The following DIP2C variants were observed in gnomAD, a reference collection of about 807,000 sequenced individuals.
DIP2C encodes DIP2 acetate--CoA ligase C (putative).
In DIP2C, 33 loss-of-function variants were observed where a neutral mutation model predicts 192.4. The observed-to-expected ratio is 0.17, with a 90% CI of 0.13 to 0.23. DIP2C has a LOEUF of 0.23. Ranked by LOEUF, DIP2C falls within the 10% of genes least tolerant of loss-of-function variation. The probability of loss-of-function intolerance (pLI) is 1.00; values close to 1 mark genes in which losing one functional copy is unlikely to be tolerated. For missense variants in DIP2C, 1,537 were observed against 2,110.1 expected, an observed-to-expected ratio of 0.73 and a Z score of 5.32; for synonymous variants, 979 against 864.1, an observed-to-expected ratio of 1.13 and a Z score of -2.33.
At chr10:599,628 A>T (rs541450303) in intron 1 of DIP2C, among the ~76,000 whole-genome samples, 9 of 152,220 alleles carry the variant, frequency 5.9e-5, no homozygotes, top group Non-Finnish European at 1.2e-4. Context: ...GGCTGGAGGG[A>T]CCTTCCAGGT....
chr10:335,839 G>A (rs886577514), intron 29 of DIP2C, among the ~76,000 whole-genome samples: 1 of 152,174 alleles, frequency 6.6e-6, no homozygotes, highest in Admixed American at 6.5e-5. Context: ...CTTTCCATTT[G>A]TTCATCTGTG....
chr10:480,418 C>T (rs1044245405), intron 2 of DIP2C, among the ~76,000 whole-genome samples: 5 of 152,034 alleles, frequency 3.3e-5, no homozygotes, highest in African/African-American at 1.2e-4. Context: ...CCAGTCCACG[C>T]TCACTGGATG....
chr10:389,878 C>A, intron 13 of DIP2C, 113 bp downstream of exon 13: 1 of 821,080 alleles, frequency 1.2e-6, no homozygotes, highest in Non-Finnish European at 2.0e-6. Flanking sequence ...GTCAGCGGAG[C>A]TGGGCACAAA....
chr10:531,373 G>A (rs1375866194), intron 1 of DIP2C, among the ~76,000 whole-genome samples: 1 of 152,072 alleles, frequency 6.6e-6, no homozygotes, highest in Non-Finnish European at 1.5e-5. Flanking sequence ...TGAGGGGCGT[G>A]TGCTTACAGT....
chr10:421,881 G>T (rs1008505033), intron 5 of DIP2C, among the ~76,000 whole-genome samples: 1 of 152,164 alleles, frequency 6.6e-6, no homozygotes, highest in Non-Finnish European at 1.5e-5. Flanking sequence ...AACGGCCGAC[G>T]CTTTAAGTCT....
intron 2 of DIP2C, among the ~76,000 whole-genome samples, chr10:472,934 TAAGAA>T (rs952063515): frequency 6.6e-5 from 10 of 152,204 alleles, no homozygotes; most frequent in Non-Finnish European, 1.0e-4. Context: ...TATAAGCTCT[TAAGAA>T]AATTTAAAAG....
In DIP2C at chr10:461,706, C is replaced by A. The variant is rs570668703; in HGVS notation, c.268+10733G>T. Among the ~76,000 whole-genome samples, 5 of 152,296 alleles carry A rather than the reference C, an allele frequency of 3.3e-5. No homozygotes were observed. The South Asian group carries it at 1.0e-3, about 32-fold the overall frequency. ...ACCTAATAGACATCTACAAAACTCT[C>A]CACCCCAAATCAATAGGATATACCT... On this transcript the variant is annotated intron_variant, in intron 3 of 36. Coordinates refer to ENST00000280886, the MANE Select transcript of DIP2C (RefSeq NM_014974.3).
At position 337,022 on chromosome 10, in the gene DIP2C, TGTGTGTGTGTTGTGGAGGCCTAGACTG is replaced by T. The variant is rs1202306754; in HGVS notation, c.3584+4150_3584+4176del. ...GGAGGCCTAGGCAGCTGTGTGTGTG[TGTGTGTGTGTTGTGGAGGCCTAGACTG>T]GTGTGTGTGTGTGTGTGTGTGTGTT... On this transcript the variant is annotated intron_variant, in intron 29 of 36. Coordinates refer to ENST00000280886, the MANE Select transcript of DIP2C (RefSeq NM_014974.3). 3.6e-3 allele frequency among the ~76,000 whole-genome samples: 399 copies of T among 112,338 alleles called. 38 individuals carry two copies. Among genetic ancestry groups the T allele is most frequent in the African/African-American group, 0.013 (374 of 28,378 alleles). 73.7% of individuals were successfully genotyped at this position (112,338 alleles called of 152,430 possible). A position where few individuals can be genotyped will look rare whatever the true frequency, so the allele number is the denominator to read the frequency against.
chr10:471,188 C>T (rs547471833), intron 3 of DIP2C, among the ~76,000 whole-genome samples: 16 of 152,288 alleles, frequency 1.1e-4, no homozygotes, highest in East Asian at 1.9e-4. Flanking sequence ...GCAGCAGGGG[C>T]GCCCAGGAGG....
At chr10:622,429 T>C (rs543566442) in intron 1 of DIP2C, among the ~76,000 whole-genome samples, 2 of 148,662 alleles carry the variant, frequency 1.3e-5, no homozygotes, top group African/African-American at 2.5e-5. Flanking sequence ...GCATGTTCCA[T>C]CCACCAAAGC....
chr10:648,753 C>A (rs984555081), intron 1 of DIP2C, among the ~76,000 whole-genome samples: 7 of 105,992 alleles, frequency 6.6e-5, no homozygotes, highest in East Asian at 3.1e-4. Flanking sequence ...GGACAGTGGG[C>A]GAGAACAGAG....
Position 356,444 on chromosome 10 carries a change from G to A in DIP2C, c.2967C>T (p.Tyr989=), listed in dbSNP as rs776950132. 31 of 1,611,832 alleles carry A rather than the reference G, an allele frequency of 1.9e-5. No homozygotes were observed. In the Admixed American group the frequency reaches 3.3e-4, roughly 17 times the overall value. The change falls in exon 24 of 37, where the codon TAC becomes TAT. Residue 989 remains tyrosine, a synonymous_variant. Transcript: ENST00000280886. ...RAQTTPDHIL[Y]TLLNCRGAIA... Reference sequence around the variant, plus strand: ...GCCTCACCCGACAGTTGAGCAGCGTGTAGAGGATGTGGTCCGGGGTGGTCT... The same window carrying A: ...GCCTCACCCGACAGTTGAGCAGCGTATAGAGGATGTGGTCCGGGGTGGTCT...
At chr10:585,010 G>A (rs1286208790) in intron 1 of DIP2C, among the ~76,000 whole-genome samples, 91 of 127,652 alleles carry the variant, frequency 7.1e-4, no homozygotes, top group South Asian at 1.3e-3. Flanking sequence ...CTCGGGGCCC[G>A]CAACCTGGCC....
At chr10:522,153 C>T (rs1846752044) in intron 1 of DIP2C, among the ~76,000 whole-genome samples, 1 of 152,170 alleles carries the variant, frequency 6.6e-6, no homozygotes, top group Admixed American at 6.5e-5. Context: ...GTGCCTTTTC[C>T]AGGCTGTCCT....
intron 2 of DIP2C, among the ~76,000 whole-genome samples, chr10:481,187 A>G (rs1843580409): frequency 6.6e-6 from 1 of 152,170 alleles, no homozygotes; most frequent in African/African-American, 2.4e-5. Flanking sequence ...GAGGAATCAG[A>G]ACAACCAACG....
chr10:592,522 A>T (rs1385552572), intron 1 of DIP2C, among the ~76,000 whole-genome samples: 2 of 151,552 alleles, frequency 1.3e-5, no homozygotes, highest in Non-Finnish European at 2.9e-5. Context: ...GCATAAAGAA[A>T]ATATTTTTAA....
intron 1 of DIP2C, among the ~76,000 whole-genome samples, chr10:571,096 G>T (rs1476578305): frequency 6.6e-6 from 1 of 152,218 alleles, no homozygotes; most frequent in Non-Finnish European, 1.5e-5. Flanking sequence ...GAAGCTGGCC[G>T]ACTGCTCTGT....
At chr10:554,836 C>T (rs1183419811) in intron 1 of DIP2C, among the ~76,000 whole-genome samples, 2 of 152,036 alleles carry the variant, frequency 1.3e-5, no homozygotes, top group Non-Finnish European at 2.9e-5. Context: ...GGCACAGAGT[C>T]ACAGCCTGGC....
chr10:654,599 T>A (rs1322494356), intron 1 of DIP2C, among the ~76,000 whole-genome samples: 3 of 152,298 alleles, frequency 2.0e-5, no homozygotes, highest in Admixed American at 2.0e-4. Flanking sequence ...ACAGACTGCT[T>A]CACAGAACAC....
Sources: gnomAD v4.1 joint callset for allele counts (sites outside exome capture counted in the v4.1 genomes callset) on GRCh38, gnomAD v4.1.1 for gene constraint, MANE v1.5 for transcripts, NCBI Gene and HGNC (gene_info 2026-07-23, HGNC 2026-07-21) for gene names.